Variants in NTRK3 observed in about 807,000 individuals in gnomAD.
The protein encoded by NTRK3 is NT-3 growth factor receptor.
Under a neutral mutation model 91.7 loss-of-function variants are expected in NTRK3, and 24 were observed. The ratio of observed to expected loss-of-function variants is 0.26; its 90% CI spans 0.19 to 0.37. NTRK3 has a LOEUF of 0.37. Among genes scored for constraint, NTRK3 ranks in the 10% least tolerant of loss-of-function variants. NTRK3 has a pLI of 1.00. For synonymous variants in NTRK3, 483 were observed against 404.0 expected, an observed-to-expected ratio of 1.20 and a Z score of -2.34; for missense variants, 880 against 1,068.9, an observed-to-expected ratio of 0.82 and a Z score of 2.46.
At chr15:87,982,859 C>T (rs1409908455) in intron 14 of NTRK3, among the ~76,000 whole-genome samples, 2 of 148,976 alleles carry the variant, frequency 1.3e-5, no homozygotes, top group Admixed American at 1.3e-4. Flanking sequence ...GCTGGGGTTT[C>T]ACCCCTGTGC....
chr15:88,244,107 T>C (rs1567709404), intron 3 of NTRK3, among the ~76,000 whole-genome samples: 1 of 152,054 alleles, frequency 6.6e-6, no homozygotes, highest in Non-Finnish European at 1.5e-5. Context: ...CCCCCATGAA[T>C]TGGAACCATA....
exon 19 of NTRK3, chr15:87,873,485 G>A (rs924547170): frequency 5.2e-5 from 12 of 231,272 alleles, no homozygotes; most frequent in Non-Finnish European, 7.7e-5. Context: ...GAGAGGATCC[G>A]GTGAGGTTGG....
At chr15:87,889,377 C>A (rs1369239649) in intron 17 of NTRK3, among the ~76,000 whole-genome samples, 1 of 146,996 alleles carries the variant, frequency 6.8e-6, no homozygotes, top group Non-Finnish European at 1.5e-5. Flanking sequence ...TAAAACCATG[C>A]TCGTTAGTTT....
chr15:87,935,434 G>C (rs1219974666), intron 15 of NTRK3, among the ~76,000 whole-genome samples: 2 of 152,202 alleles, frequency 1.3e-5, no homozygotes, highest in Non-Finnish European at 2.9e-5. Flanking sequence ...CCAGAACAAA[G>C]ACATTTGAGA....
intron 17 of NTRK3, among the ~76,000 whole-genome samples, chr15:87,910,625 T>A (rs929477890): frequency 1.3e-5 from 2 of 152,140 alleles, no homozygotes; most frequent in Non-Finnish European, 2.9e-5. Context: ...AAAGGGGTTA[T>A]AACCATGTGA....
intron 3 of NTRK3, among the ~76,000 whole-genome samples, chr15:88,200,193 A>G (rs2048182919): frequency 6.6e-6 from 1 of 152,226 alleles, no homozygotes; most frequent in Admixed American, 6.5e-5. Context: ...GAAGCCACTC[A>G]TCAGTTCCCA....
At chr15:87,924,207 A>C (rs2068106419) in intron 17 of NTRK3, among the ~76,000 whole-genome samples, 1 of 152,170 alleles carries the variant, frequency 6.6e-6, no homozygotes, top group Non-Finnish European at 1.5e-5. Context: ...ACAGTCAGGA[A>C]TTATAGGAGC....
exon 17 of NTRK3, chr15:87,929,227 G>T: frequency 6.2e-7 from 1 of 1,614,124 alleles, no homozygotes; most frequent in South Asian, 1.1e-5. Flanking sequence ...CTCTGGACAT[G>T]CCGAAGTCCC....
At chr15:88,061,280 G>GA (rs1488359986) in intron 13 of NTRK3, among the ~76,000 whole-genome samples, 2 of 152,176 alleles carry the variant, frequency 1.3e-5, no homozygotes. Context: ...CTTGCAACAG[G>GA]AAAAGAGTAC....
At chr15:88,150,402 A>C (rs16941331) in intron 5 of NTRK3, among the ~76,000 whole-genome samples, 44,474 of 152,198 alleles carry the variant, frequency 0.29, 7,168 homozygotes, top group African/African-American at 0.44. Context: ...GGGCAAATAA[A>C]GACTAAGAAA....
chr15:88,239,262 G>A (rs2052089957), intron 3 of NTRK3, among the ~76,000 whole-genome samples: 1 of 152,164 alleles, frequency 6.6e-6, no homozygotes, highest in African/African-American at 2.4e-5. Context: ...GAATGTTTGA[G>A]GAATGAACAG....
intron 14 of NTRK3, among the ~76,000 whole-genome samples, chr15:87,981,629 T>G (rs1054396542): frequency 6.6e-6 from 1 of 152,202 alleles, no homozygotes. Context: ...AACTCTGTCC[T>G]GCACTTTTCC....
chr15:87,998,992 T>G (rs1307337377), intron 14 of NTRK3, among the ~76,000 whole-genome samples: 1 of 152,078 alleles, frequency 6.6e-6, no homozygotes, highest in African/African-American at 2.4e-5. Flanking sequence ...CAATCAATCC[T>G]CAAAAATGGG....
chr15:87,973,201 G>A (rs767309153), intron 14 of NTRK3, among the ~76,000 whole-genome samples: 3 of 152,086 alleles, frequency 2.0e-5, no homozygotes, highest in Non-Finnish European at 2.9e-5. Flanking sequence ...AAATGAAAAG[G>A]GGCAAAAACA....
intron 3 of NTRK3, among the ~76,000 whole-genome samples, chr15:88,189,293 T>C (rs538576176): frequency 6.6e-6 from 1 of 152,314 alleles, no homozygotes; most frequent in African/African-American, 2.4e-5. Context: ...CCCAGAGACC[T>C]AGGACCACAG....
intron 13 of NTRK3, among the ~76,000 whole-genome samples, chr15:88,067,419 G>A (rs1357135951): frequency 1.3e-5 from 2 of 152,038 alleles, no homozygotes; most frequent in Non-Finnish European, 2.9e-5. Context: ...TCTGTCTATA[G>A]TATTTATCTC....
intron 14 of NTRK3, among the ~76,000 whole-genome samples, chr15:87,958,280 CAGG>C (rs71753592): frequency 0.19 from 28,658 of 151,920 alleles, 2,965 homozygotes; most frequent in African/African-American, 0.28. Flanking sequence ...CTGATGATTT[CAGG>C]AGAAGAGTAA....
chr15:88,095,200 T>G (rs2049458640), intron 13 of NTRK3, among the ~76,000 whole-genome samples: 1 of 152,242 alleles, frequency 6.6e-6, no homozygotes, highest in Non-Finnish European at 1.5e-5. Context: ...TGTGAGAATT[T>G]AATAGTCTTC....
chr15:88,099,102 T>A (rs1217512304), intron 13 of NTRK3: 2 of 230,690 alleles, frequency 8.7e-6, no homozygotes, highest in African/African-American at 4.4e-5. Context: ...GTGGGTGGTG[T>A]GTAAGCCTTG....
Sources: allele counts gnomAD v4.1 joint callset (sites outside exome capture counted in the v4.1 genomes callset), GRCh38; gene constraint gnomAD v4.1.1; transcripts MANE v1.5; gene names NCBI Gene and HGNC (gene_info 2026-07-23, HGNC 2026-07-21).